The following TSHZ2 variants were observed in gnomAD, a reference collection of about 807,000 sequenced individuals.
TSHZ2 encodes teashirt homolog 2.
TSHZ2 carries 21 observed loss-of-function variants against 74.4 expected under a neutral mutation model. The observed-to-expected ratio is 0.28, with a 90% CI of 0.20 to 0.41. TSHZ2 has a LOEUF of 0.41. Ranked by LOEUF, TSHZ2 falls within the 10% of genes least tolerant of loss-of-function variation. The pLI is 1.00. For missense variants in TSHZ2, 1,244 were observed against 1,293.5 expected, an observed-to-expected ratio of 0.96 and a Z score of 0.59; for synonymous variants, 540 against 515.3, an observed-to-expected ratio of 1.05 and a Z score of -0.65.
At chr20:53,038,068 CCTGCCCGGGGCTAAA>C (rs778716616) in intron 1 of TSHZ2, among the ~76,000 whole-genome samples, 1 of 151,722 alleles carries the variant, frequency 6.6e-6, no homozygotes, top group Non-Finnish European at 1.5e-5. Context: ...GGAACGACAG[CCTGCCCGGGGCTAAA>C]AGAAACTGCC....
chr20:53,224,106 C>A (rs1989628471), intron 1 of TSHZ2, among the ~76,000 whole-genome samples: 1 of 152,116 alleles, frequency 6.6e-6, no homozygotes, highest in Non-Finnish European at 1.5e-5. Context: ...TATGAATCTA[C>A]AATGATCTCA....
At chr20:52,975,424 G>A (rs975969405) in intron 1 of TSHZ2, among the ~76,000 whole-genome samples, 20 of 152,042 alleles carry the variant, frequency 1.3e-4, no homozygotes, top group African/African-American at 2.9e-4. Context: ...CCAGGTGTAC[G>A]TAACATAACA....
chr20:53,417,672 C>T (rs372890047), intron 2 of TSHZ2, among the ~76,000 whole-genome samples: 6 of 152,278 alleles, frequency 3.9e-5, no homozygotes, highest in Admixed American at 6.5e-5. Context: ...TCTAATCACT[C>T]AACTCAGCCT....
At chr20:53,023,774 A>G (rs149853177) in intron 1 of TSHZ2, among the ~76,000 whole-genome samples, 2 of 152,112 alleles carry the variant, frequency 1.3e-5, no homozygotes, top group Non-Finnish European at 2.9e-5. Context: ...TATCAAGGAC[A>G]TTTTTCTTTC....
At chr20:53,449,846 A>G (rs1370425446) in intron 2 of TSHZ2, among the ~76,000 whole-genome samples, 3 of 152,184 alleles carry the variant, frequency 2.0e-5, no homozygotes. Context: ...CACCACCCCC[A>G]TGAGCCTCCA....
At chr20:53,212,738 C>T (rs527370274) in intron 1 of TSHZ2, among the ~76,000 whole-genome samples, 1 of 152,156 alleles carries the variant, frequency 6.6e-6, no homozygotes, top group South Asian at 2.1e-4. Flanking sequence ...AGATTCTCTC[C>T]GCATGGAGGT....
chr20:53,248,236 A>ATTTTTTTTTTTTT (rs763355998), intron 1 of TSHZ2, among the ~76,000 whole-genome samples: 1 of 144,930 alleles, frequency 6.9e-6, no homozygotes, highest in African/African-American at 2.6e-5. Context: ...ATGCCTGGCT[A>ATTTTTTTTTTTTT]TTTTTTTTTT....
intron 2 of TSHZ2, among the ~76,000 whole-genome samples, chr20:53,400,895 C>T (rs1014456827): frequency 6.6e-6 from 1 of 152,196 alleles, no homozygotes; most frequent in Non-Finnish European, 1.5e-5. Flanking sequence ...CTCAAGAATT[C>T]AGATCCCACC....
chr20:53,409,026 G>A lies in TSHZ2; in HGVS notation c.*9-78118G>A, dbSNP rs117892885. Among the ~76,000 whole-genome samples the A allele has an allele frequency of 2.1e-4, 32 of 152,256 alleles. No individual in the cohort carries two copies. In the East Asian group the frequency reaches 5.8e-3, roughly 27 times the overall value. ...GGCAATGATTGGGATAATTTAGGACGTGCACTGTTTGATCATCTGTACACT... is the reference window on the plus strand; with the variant it reads ...GGCAATGATTGGGATAATTTAGGACATGCACTGTTTGATCATCTGTACACT... On this transcript the variant is annotated intron_variant, in intron 2 of 2. Coordinates refer to ENST00000371497, the MANE Select transcript of TSHZ2 (RefSeq NM_173485.6).
At chr20:53,389,033 G>A (rs1021173606) in intron 2 of TSHZ2, among the ~76,000 whole-genome samples, 1 of 152,160 alleles carries the variant, frequency 6.6e-6, no homozygotes, top group East Asian at 1.9e-4. Flanking sequence ...GATTACAGAG[G>A]TTCAATATTA....
At chr20:53,226,156 ACACATG>A (rs776625826) in intron 1 of TSHZ2, among the ~76,000 whole-genome samples, 1,961 of 130,266 alleles carry the variant, frequency 0.015, 16 homozygotes, top group Non-Finnish European at 0.021. Context: ...ACACACACAC[ACACATG>A]CACACAAACA....
intron 2 of TSHZ2, among the ~76,000 whole-genome samples, chr20:53,269,362 G>A (rs1990783351): frequency 1.3e-5 from 2 of 152,080 alleles, no homozygotes; most frequent in African/African-American, 2.4e-5. Flanking sequence ...GAGGGGTGGG[G>A]GGGATAAAAG....
intron 1 of TSHZ2, among the ~76,000 whole-genome samples, chr20:53,060,389 C>A (rs1199616816): frequency 2.6e-5 from 4 of 152,316 alleles, no homozygotes; most frequent in African/African-American, 2.4e-5. Context: ...ACTACTAATA[C>A]CTAAAACAAC....
chr20:53,009,010 TCTCTCTCTC>T, intron 1 of TSHZ2, among the ~76,000 whole-genome samples: 1 of 139,086 alleles, frequency 7.2e-6, no homozygotes, highest in Admixed American at 7.0e-5. Context: ...TCTCTCTCTC[TCTCTCTCTC>T]TCTCTCTCTC....
intron 1 of TSHZ2, among the ~76,000 whole-genome samples, chr20:53,221,061 T>A (rs1989543002): frequency 6.6e-6 from 1 of 152,180 alleles, no homozygotes. Context: ...ATCATAGGGG[T>A]GGTTTCCCCC....
At chr20:53,015,832 C>T (rs1167842904) in intron 1 of TSHZ2, among the ~76,000 whole-genome samples, 1 of 152,092 alleles carries the variant, frequency 6.6e-6, no homozygotes, top group Non-Finnish European at 1.5e-5. Flanking sequence ...GTGTTTTTCT[C>T]TATTCTTAAG....
At chr20:53,452,949 G>A (rs149017819) in intron 2 of TSHZ2, 5 of 152,226 alleles carry the variant, frequency 3.3e-5, no homozygotes, top group South Asian at 2.1e-4. Context: ...TAATTTTGTC[G>A]AGCTTCTGGT....
rs142137033 is a variant in TSHZ2, at chr20:53,313,477, A to T, written c.*8+56906A>T. ...CCTGGGGTCCCTACAGCATAAAAGG[A>T]GTTGTTTGACTTCACTTTGCAGGAG... On this transcript the variant is annotated intron_variant, in intron 2 of 2. Coordinates refer to ENST00000371497, the MANE Select transcript of TSHZ2 (RefSeq NM_173485.6). Among the ~76,000 whole-genome samples, 436 of 152,298 alleles carry T rather than the reference A, an allele frequency of 2.9e-3. 1 individual carries two copies. Among genetic ancestry groups the T allele is most frequent in the African/African-American group, 0.01 (422 of 41,578 alleles).
At chr20:53,305,160 G>C (rs991843448) in intron 2 of TSHZ2, among the ~76,000 whole-genome samples, 1 of 151,186 alleles carries the variant, frequency 6.6e-6, no homozygotes, top group African/African-American at 2.4e-5. Context: ...GGATGATCTC[G>C]GTCTCCTGAC....
Sources: allele counts gnomAD v4.1 joint callset (sites outside exome capture counted in the v4.1 genomes callset), GRCh38; gene constraint gnomAD v4.1.1; transcripts MANE v1.5; gene names NCBI Gene and HGNC (gene_info 2026-07-23, HGNC 2026-07-21).